Variants in SEL1L3 observed in about 807,000 individuals in gnomAD.
The protein encoded by SEL1L3 is SEL1L family member 3, also known as protein sel-1 homolog 3.
SEL1L3 carries 76 observed loss-of-function variants against 142.8 expected under a neutral mutation model. The observed-to-expected ratio is 0.53, with a 90% CI of 0.44 to 0.64. The LOEUF is 0.64. SEL1L3 is among the 30% of genes least tolerant of loss of function. The pLI is 0.00. For missense variants in SEL1L3, 1,262 were observed against 1,381.7 expected, an observed-to-expected ratio of 0.91 and a Z score of 1.37; for synonymous variants, 504 against 519.6, an observed-to-expected ratio of 0.97 and a Z score of 0.41.
Position 25,833,573 on chromosome 4 carries a change from T to A in SEL1L3, c.861-4A>T. 6.2e-7 allele frequency: 1 copy of A among 1,605,268 alleles called. No homozygotes were observed. The highest frequency in any genetic ancestry group is 8.5e-7 in the Non-Finnish European group (1 of 1,176,596). ...AAGCCACAATGAAACAGTAAACCTA[T>A]AAGAGTGAGGGGGAAAAAAATTCTG... On this transcript the variant is annotated splice_region_variant and splice_polypyrimidine_tract_variant and intron_variant, in intron 3 of 23. Coordinates refer to ENST00000399878, the MANE Select transcript of SEL1L3 (RefSeq NM_015187.5).
downstream of SEL1L3, among the ~76,000 whole-genome samples, chr4:25,745,146 G>A (rs1390241039): frequency 6.6e-6 from 1 of 152,142 alleles, no homozygotes; most frequent in Non-Finnish European, 1.5e-5. Context: ...TGTAATCCCA[G>A]CACTTTGGGA....
intron 1 of SEL1L3, among the ~76,000 whole-genome samples, chr4:25,862,409 T>C (rs1445703614): frequency 6.6e-6 from 1 of 151,574 alleles, no homozygotes; most frequent in Admixed American, 6.6e-5. Flanking sequence ...GTCTCGAGGG[T>C]AACCCGACCC....
intron 21 of SEL1L3, among the ~76,000 whole-genome samples, chr4:25,758,009 G>A (rs967654781): frequency 4.6e-5 from 7 of 152,246 alleles, no homozygotes; most frequent in East Asian, 3.9e-4. Context: ...TTTAGAAAAA[G>A]GTCAGTTTTG....
At chr4:25,831,739 G>A (rs1183566729) in intron 5 of SEL1L3, among the ~76,000 whole-genome samples, 2 of 151,802 alleles carry the variant, frequency 1.3e-5, no homozygotes, top group African/African-American at 4.8e-5. Context: ...TGGCCAGGCT[G>A]GTCTCCTGAC....
chr4:25,751,395 A>T (rs1313238349), intron 23 of SEL1L3, among the ~76,000 whole-genome samples: 1 of 152,110 alleles, frequency 6.6e-6, no homozygotes, highest in African/African-American at 2.4e-5. Flanking sequence ...GGCAAAGATG[A>T]CGGAGTTCCC....
At chr4:25,718,497 A>G in the SEL1L3 span, 1 of 152,198 alleles carries the variant, frequency 6.6e-6, no homozygotes, top group Non-Finnish European at 1.5e-5. Flanking sequence ...ATGCGCGAGC[A>G]ATTATAAGGG....
chr4:25,858,615 C>G (rs1001033663), intron 1 of SEL1L3, among the ~76,000 whole-genome samples: 3 of 152,134 alleles, frequency 2.0e-5, no homozygotes, highest in Non-Finnish European at 4.4e-5. Flanking sequence ...GAGACAGAGT[C>G]TCACTCTGTC....
At position 25,841,790 on chromosome 4, in the gene SEL1L3, T is replaced by C. The variant is rs192526546; in HGVS notation, c.733+5504A>G. On this transcript the variant is annotated intron_variant, in intron 2 of 23. Transcript: ENST00000399878. ...GCCTGGCCAACATAGCGAAACACCA[T>C]CTCTACTGAAAATACAAAAATTAGC... is the stretch of plus-strand genomic sequence containing the variant. Among the ~76,000 whole-genome samples, 35 of 152,182 alleles carry C rather than the reference T, an allele frequency of 2.3e-4. No homozygotes were observed. The East Asian group carries it at 6.2e-3, about 27-fold the overall frequency.
intron 23 of SEL1L3, among the ~76,000 whole-genome samples, chr4:25,748,915 G>C (rs987909310): frequency 6.6e-6 from 1 of 152,120 alleles, no homozygotes; most frequent in Non-Finnish European, 1.5e-5. Context: ...AAGAGGTCGT[G>C]GATTCCAACA....
rs781087120 is a variant in SEL1L3, at chr4:25,802,312, G to A, written c.1927C>T (p.Leu643Phe). Reference sequence around the variant, plus strand: ...TCTCCTTGCAGTGTGTGCTGGTCAAGGGGTGTCTTGGTGGCAATGTTGCTG... The same window carrying A: ...TCTCCTTGCAGTGTGTGCTGGTCAAAGGGTGTCTTGGTGGCAATGTTGCTG... ...YYSNIATKTPLDQHTLQGDQA... is the reference protein window; with the variant it reads ...YYSNIATKTPFDQHTLQGDQA... The change falls in exon 11 of 24, where the codon CTT (leucine) becomes TTT (phenylalanine). Residue 643 changes from leucine (L) to phenylalanine (F), a missense_variant. Coordinates refer to ENST00000399878, the MANE Select transcript of SEL1L3 (RefSeq NM_015187.5). 3.1e-6 allele frequency: 5 copies of A among 1,613,594 alleles called. No homozygotes were observed. Among genetic ancestry groups the A allele is most frequent in the Admixed American group, 3.3e-5 (2 of 59,972 alleles).
chr4:25,844,379 G>T (rs1396795149), intron 2 of SEL1L3, among the ~76,000 whole-genome samples: 1 of 152,122 alleles, frequency 6.6e-6, no homozygotes. Flanking sequence ...CTTATTTTGA[G>T]GGTGCATGGA....
intron 9 of SEL1L3, among the ~76,000 whole-genome samples, chr4:25,811,776 G>A (rs1292176170): frequency 7.9e-6 from 1 of 125,894 alleles, no homozygotes; most frequent in Middle Eastern, 4.2e-3. Flanking sequence ...TGTTGTTGTT[G>A]TTGTTAGTAG....
chr4:25,783,285 C>G (rs891286648), intron 14 of SEL1L3, among the ~76,000 whole-genome samples: 6 of 152,216 alleles, frequency 3.9e-5, no homozygotes, highest in Middle Eastern at 3.2e-3. Flanking sequence ...GGGGTTCCCT[C>G]TTCCTGGGTC....
chr4:25,741,200 G>T, the SEL1L3 span, among the ~76,000 whole-genome samples: 1 of 151,720 alleles, frequency 6.6e-6, no homozygotes, highest in East Asian at 1.9e-4. Context: ...CACCTCCCGG[G>T]TTCAAAAGAT....
In SEL1L3 at chr4:25,847,189, C is replaced by T. The variant is rs117106413; in HGVS notation, c.733+105G>A. ...GACTCATTGTGTCCCTCCATCTTCC[C>T]TGTATCCCCCTTCGCTAATAGAAGA... On this transcript the variant is annotated intron_variant, in intron 2 of 23. Transcript: ENST00000399878. 2.3e-4 allele frequency: 205 copies of T among 900,908 alleles called. No homozygotes were observed. In the East Asian group the frequency reaches 4.3e-3, roughly 19 times the overall value. 55.8% of individuals were successfully genotyped at this position (900,908 alleles called of 1,614,324 possible).
chr4:25,770,012 C>T (rs1274792343), intron 17 of SEL1L3, among the ~76,000 whole-genome samples: 2 of 152,028 alleles, frequency 1.3e-5, no homozygotes, highest in African/African-American at 2.4e-5. Flanking sequence ...CCTGTAATCC[C>T]AGCCACTCGG....
rs373223821 is a variant in SEL1L3 at position 25,802,466 on chromosome 4, T to C, written c.1777-4A>G. On this transcript the variant is annotated splice_polypyrimidine_tract_variant and splice_region_variant and intron_variant, in intron 10 of 23. Coordinates refer to ENST00000399878, the MANE Select transcript of SEL1L3 (RefSeq NM_015187.5). ...CAACCAAACTATACAACATGCCCTG[T>C]TAGGAAGAAATTGACAAAGCGTTCA... 2.4e-5 allele frequency: 39 copies of C among 1,608,252 alleles called. No homozygotes were observed. In the Middle Eastern group the frequency reaches 6.6e-4, roughly 27 times the overall value.
intron 9 of SEL1L3, among the ~76,000 whole-genome samples, chr4:25,817,820 A>G (rs953885317): frequency 6.6e-6 from 1 of 152,158 alleles, no homozygotes; most frequent in Non-Finnish European, 1.5e-5. Context: ...TTTAAAACAT[A>G]TACAACAAGG....
chr4:25,862,973 CGCCGCCGCCGCCACT>C lies in SEL1L3; in HGVS notation c.-152_-138del, dbSNP rs1717845151. On this transcript the variant is annotated 5_prime_UTR_variant, in exon 1 of 24. Transcript: ENST00000399878. ...GGCCACCTGCCGCCACCTCCGGACC[CGCCGCCGCCGCCACT>C]GCCGCTCCCGCCGTCGCCGCCCCCG... 1 of 428,992 alleles carries C rather than the reference CGCCGCCGCCGCCACT, an allele frequency of 2.3e-6. No individual in the cohort carries two copies. The highest frequency in any genetic ancestry group is 8.9e-5 in the South Asian group (1 of 11,188). 26.6% of individuals were successfully genotyped at this position (428,992 alleles called of 1,614,324 possible).
Sources: allele counts gnomAD v4.1 joint callset (sites outside exome capture counted in the v4.1 genomes callset), GRCh38; gene constraint gnomAD v4.1.1; transcripts MANE v1.5; gene names NCBI Gene and HGNC (gene_info 2026-07-23, HGNC 2026-07-21).